CCDC102B: variants seen among roughly 807,000 people sequenced by gnomAD.
CCDC102B encodes the protein coiled-coil domain containing 102B.
A neutral mutation model predicts 57.4 loss-of-function variants in CCDC102B; 75 were observed. The observed-to-expected ratio is 1.31, with a 90% CI of 1.08 to 1.58. The LOEUF (loss-of-function observed/expected upper bound fraction) is 1.58, where lower values mean the gene tolerates loss of function less well. Ranked by LOEUF, CCDC102B falls within the 40% of genes most tolerant of loss-of-function variation. CCDC102B has a pLI of 0.00. For synonymous variants in CCDC102B, 206 were observed against 201.9 expected, an observed-to-expected ratio of 1.02 and a Z score of -0.17; for missense variants, 636 against 582.6, an observed-to-expected ratio of 1.09 and a Z score of -0.94.
At chr18:68,882,619 T>C (rs1041495076) in intron 5 of CCDC102B, among the ~76,000 whole-genome samples, 2 of 152,254 alleles carry the variant, frequency 1.3e-5, no homozygotes, top group African/African-American at 4.8e-5. Flanking sequence ...TCCAGGCTCA[T>C]ATTTCATTTA....
chr18:68,982,585 T>C (rs1381810766), intron 6 of CCDC102B, among the ~76,000 whole-genome samples: 1 of 152,004 alleles, frequency 6.6e-6, no homozygotes, highest in African/African-American at 2.4e-5. Flanking sequence ...AATTCTCTTT[T>C]CCAATCATAT....
At chr18:69,056,758 A>T (rs1017878481), downstream of CCDC102B, among the ~76,000 whole-genome samples, 1 of 152,006 alleles carries the variant, frequency 6.6e-6, no homozygotes, top group Non-Finnish European at 1.5e-5. Context: ...TAAAAATTGT[A>T]ATTGTGCTGA....
At chr18:68,829,138 T>G (rs958598047) in intron 1 of CCDC102B, among the ~76,000 whole-genome samples, 5 of 152,122 alleles carry the variant, frequency 3.3e-5, no homozygotes, top group East Asian at 1.9e-4. Flanking sequence ...TTTTGTTGAT[T>G]CGATTTATAT....
intron 6 of CCDC102B, among the ~76,000 whole-genome samples, chr18:69,003,960 A>G (rs892314059): frequency 3.3e-5 from 5 of 152,154 alleles, no homozygotes; most frequent in African/African-American, 1.2e-4. Context: ...TTGATTTTCA[A>G]TCTTTTAGGC....
chr18:68,749,822 A>G (rs1040408896), intron 2 of CCDC102B, among the ~76,000 whole-genome samples: 1 of 152,144 alleles, frequency 6.6e-6, no homozygotes, highest in African/African-American at 2.4e-5. Flanking sequence ...AAAACCATAA[A>G]AACCCTAGAA....
In CCDC102B at chr18:68,875,593, CA is replaced by C. The variant is rs556084917; in HGVS notation, c.1053+809del. On this transcript the variant is annotated intron_variant, in intron 5 of 7. Coordinates refer to ENST00000360242, the MANE Select transcript of CCDC102B (RefSeq NM_024781.3). ...TATAACTCTTCAAATTCTGAACTGA[CA>C]TCAGAGTATATTTACATCAGATGAA... Among the ~76,000 whole-genome samples the C allele has an allele frequency of 7.9e-5, 12 of 152,188 alleles. No homozygotes were observed. The East Asian group carries it at 1.5e-3, about 20-fold the overall frequency.
intron 6 of CCDC102B, among the ~76,000 whole-genome samples, chr18:68,961,869 C>A (rs1192918928): frequency 6.6e-6 from 1 of 151,928 alleles, no homozygotes; most frequent in African/African-American, 2.4e-5. Flanking sequence ...TAGAAATCTA[C>A]CTGCTTTTAT....
Position 69,006,585 on chromosome 18 carries a change from CT to C in CCDC102B, c.1264-4321del, listed in dbSNP as rs200615759. ...TACAGGCACATGCCACCACACAGGG[CT>C]TTTTTTTTTTTTTTTTTTTTTTTTT... On this transcript the variant is annotated intron_variant, in intron 6 of 7. Coordinates refer to ENST00000360242, the MANE Select transcript of CCDC102B (RefSeq NM_024781.3). 8.8e-3 allele frequency among the ~76,000 whole-genome samples: 1,168 copies of C among 133,420 alleles called. 3 individuals carry two copies. Among genetic ancestry groups the C allele is most frequent in the African/African-American group, 0.032 (1,000 of 31,420 alleles). The allele number at this position is 133,420 out of a possible 152,430, so 87.5% of individuals were successfully genotyped here.
chr18:68,833,189 G>A (rs2037219033), intron 1 of CCDC102B, among the ~76,000 whole-genome samples: 1 of 152,034 alleles, frequency 6.6e-6, no homozygotes, highest in Non-Finnish European at 1.5e-5. Flanking sequence ...TTCCAAACTG[G>A]GTTGACCCCT....
At chr18:68,953,992 G>C (rs2049773129) in intron 6 of CCDC102B, among the ~76,000 whole-genome samples, 1 of 151,774 alleles carries the variant, frequency 6.6e-6, no homozygotes, top group African/African-American at 2.4e-5. Flanking sequence ...TGTCACTGGA[G>C]AGACCATGTT....
chr18:68,997,669 ATATT>A (rs1265266887), intron 6 of CCDC102B, among the ~76,000 whole-genome samples: 2 of 151,882 alleles, frequency 1.3e-5, no homozygotes, highest in Non-Finnish European at 2.9e-5. Flanking sequence ...GATCTTTTAT[ATATT>A]TATTTATTCC....
At chr18:68,932,657 A>G (rs367920011) in intron 6 of CCDC102B, among the ~76,000 whole-genome samples, 2 of 151,928 alleles carry the variant, frequency 1.3e-5, no homozygotes, top group South Asian at 2.1e-4. Context: ...ATTATATTTG[A>G]GGTAATAGGA....
At chr18:69,056,083 T>G (rs1243999835), downstream of CCDC102B, among the ~76,000 whole-genome samples, 1 of 151,926 alleles carries the variant, frequency 6.6e-6, no homozygotes, top group Non-Finnish European at 1.5e-5. Context: ...TAATGGAGAT[T>G]ATTATTATCC....
intron 4 of CCDC102B, among the ~76,000 whole-genome samples, chr18:68,867,320 C>T (rs557362064): frequency 4.7e-4 from 71 of 152,100 alleles, no homozygotes; most frequent in Non-Finnish European, 8.5e-4. Context: ...GGAGTGGCTG[C>T]AAAATCTTCC....
intron 4 of CCDC102B, among the ~76,000 whole-genome samples, chr18:68,849,304 A>G (rs1309285793): frequency 6.6e-6 from 1 of 152,118 alleles, no homozygotes; most frequent in East Asian, 1.9e-4. Context: ...AAATAGGTGT[A>G]TGGTGGAATA....
chr18:68,888,227 A>G (rs1016892721), intron 5 of CCDC102B, among the ~76,000 whole-genome samples: 4 of 152,182 alleles, frequency 2.6e-5, no homozygotes, highest in Admixed American at 6.5e-5. Context: ...GAAAATACAT[A>G]ATGAATGAGC....
chr18:68,790,410 C>T (rs943883944), intron 2 of CCDC102B, among the ~76,000 whole-genome samples: 18 of 151,952 alleles, frequency 1.2e-4, no homozygotes, highest in Non-Finnish European at 1.9e-4. Flanking sequence ...TGGGCAATGG[C>T]GGGCGCCCCT....
chr18:68,771,932 A>G (rs564833989), intron 2 of CCDC102B, among the ~76,000 whole-genome samples: 15 of 151,716 alleles, frequency 9.9e-5, no homozygotes, highest in African/African-American at 3.1e-4. Context: ...AAGATTGTCA[A>G]GATACTTATC....
At chr18:69,029,262 A>G (rs1700630045) in intron 7 of CCDC102B, among the ~76,000 whole-genome samples, 3 of 152,176 alleles carry the variant, frequency 2.0e-5, no homozygotes, top group Admixed American at 2.0e-4. Context: ...CCAGTTTTTT[A>G]TCAACAGGTC....
Sources: gnomAD v4.1 joint callset for allele counts (sites outside exome capture counted in the v4.1 genomes callset) on GRCh38, gnomAD v4.1.1 for gene constraint, MANE v1.5 for transcripts, NCBI Gene and HGNC (gene_info 2026-07-23, HGNC 2026-07-21) for gene names.